PLB1: variants seen among roughly 807,000 people sequenced by gnomAD.
PLB1 encodes phospholipase B1, membrane-associated.
In PLB1, 242 loss-of-function variants were observed where a neutral mutation model predicts 227.4. That is an observed-to-expected ratio of 1.06 (90% CI 0.96 to 1.18). The LOEUF is 1.18. PLB1 is among the 50% of genes most tolerant of loss of function. PLB1 has a pLI of 0.00. For synonymous variants in PLB1, 757 were observed against 682.2 expected (o/e 1.11, Z -1.71); for missense variants, 1,858 against 1,816.3 (o/e 1.02, Z -0.42).
intron 16 of PLB1, among the ~76,000 whole-genome samples, chr2:28,552,063 G>A (rs541635846): frequency 1.3e-5 from 2 of 152,198 alleles, no homozygotes; most frequent in Non-Finnish European, 2.9e-5. Context: ...ACTCAGTCTG[G>A]TAGAGAAATA....
intron 14 of PLB1, 132 bp from the exon 15 acceptor site, chr2:28,548,726 TGG>T (rs1198971060): frequency 2.0e-5 from 16 of 798,834 alleles, no homozygotes; most frequent in Non-Finnish European, 3.0e-5. Context: ...AGTTTGGGGA[TGG>T]GGGCTGGACA....
At chr2:28,554,906 G>C (rs1413327082) in intron 17 of PLB1, among the ~76,000 whole-genome samples, 1 of 152,026 alleles carries the variant, frequency 6.6e-6, no homozygotes, top group Non-Finnish European at 1.5e-5. Context: ...CTTAAAATCT[G>C]AGATCCTCTG....
At chr2:28,543,187 C>T (rs1301078698) in intron 13 of PLB1, 25 bp from the exon 14 acceptor site, 6 of 1,596,080 alleles carry the variant, frequency 3.8e-6, no homozygotes, top group Middle Eastern at 1.7e-4. Flanking sequence ...ACAAAAGGTC[C>T]CGCTGTCAAC....
At chr2:28,627,550 A>G (rs1687974555) in intron 51 of PLB1, among the ~76,000 whole-genome samples, 1 of 152,206 alleles carries the variant, frequency 6.6e-6, no homozygotes, top group African/African-American at 2.4e-5. Context: ...AAACTCTGGG[A>G]GACACGAGGT....
intron 50 of PLB1, among the ~76,000 whole-genome samples, chr2:28,625,458 C>T (rs1028817206): frequency 1.3e-5 from 2 of 152,192 alleles, no homozygotes; most frequent in South Asian, 2.1e-4. Flanking sequence ...TCATTCCAAT[C>T]CAGTTCTGCC....
chr2:28,537,546 C>T (rs1206164464), intron 9 of PLB1, among the ~76,000 whole-genome samples: 1 of 151,072 alleles, frequency 6.6e-6, no homozygotes, highest in Non-Finnish European at 1.5e-5. Context: ...CAAAAATTAG[C>T]TGGGCATGGT....
At position 28,620,794 on chromosome 2, in the gene PLB1, C is replaced by G; in HGVS notation, c.3428-85C>G. ...CAGAACTCCTGTGTCCCACCCATGT[C>G]CCCACCCTGCATGCTCATCTCAGTT... On this transcript the variant is annotated intron_variant, in intron 48 of 57. Coordinates refer to ENST00000327757, the MANE Select transcript of PLB1 (RefSeq NM_153021.5). 2.1e-6 allele frequency: 3 copies of G among 1,432,574 alleles called. No individual in the cohort carries two copies. The South Asian group carries it at 3.4e-5, about 16-fold the overall frequency. The allele number at this position is 1,432,574 out of a possible 1,614,324, so 88.7% of individuals were successfully genotyped here.
intron 3 of PLB1, among the ~76,000 whole-genome samples, chr2:28,519,462 T>G (rs778482827): frequency 7.2e-5 from 11 of 152,224 alleles, no homozygotes; most frequent in Non-Finnish European, 1.3e-4. Flanking sequence ...GTCACCTGTT[T>G]GGACAGCTCA....
At chr2:28,633,446 G>T in intron 56 of PLB1, 1 of 186,706 alleles carries the variant, frequency 5.4e-6, no homozygotes, top group Non-Finnish European at 1.1e-5. Context: ...ACAACGCATT[G>T]AGATCATGTG....
rs1684422832 is a variant in PLB1, at chr2:28,604,762, A to G, written c.2961+3A>G. 2 of 1,613,456 alleles carry G rather than the reference A, an allele frequency of 1.2e-6. No individual in the cohort carries two copies. Among genetic ancestry groups the G allele is most frequent in the Non-Finnish European group, 8.5e-7 (1 of 1,179,458 alleles). On this transcript the variant is annotated splice_donor_region_variant and intron_variant, in intron 41 of 57. Coordinates refer to ENST00000327757, the MANE Select transcript of PLB1 (RefSeq NM_153021.5). ...ACATCCAGCTCCCTGTCCTGGCGGT[A>G]TGTCCCCTGCCCTCACCCATGGTAC...
intron 43 of PLB1, 56 bp downstream of exon 43, chr2:28,606,623 C>T: frequency 6.6e-7 from 1 of 1,519,498 alleles, no homozygotes; most frequent in Non-Finnish European, 9.1e-7. Flanking sequence ...CACAGCTCGC[C>T]CTACCCACTT....
intron 9 of PLB1, among the ~76,000 whole-genome samples, chr2:28,534,900 A>T (rs751260539): frequency 1.3e-5 from 2 of 152,088 alleles, no homozygotes; most frequent in Non-Finnish European, 2.9e-5. Context: ...TCTCAAGAAA[A>T]GCGCCTGGAG....
intron 4 of PLB1, 32 bp from the exon 5 acceptor site, chr2:28,525,235 G>T: frequency 4.3e-6 from 7 of 1,609,544 alleles, no homozygotes; most frequent in Non-Finnish European, 5.9e-6. Context: ...CACCTCCCCT[G>T]GCTGGGTGTT....
intron 29 of PLB1, among the ~76,000 whole-genome samples, chr2:28,590,522 G>T (rs567982060): frequency 6.6e-6 from 1 of 152,244 alleles, no homozygotes; most frequent in Non-Finnish European, 1.5e-5. Context: ...GGAGTAAATT[G>T]GAAGCTGGAG....
At position 28,553,010 on chromosome 2, in the gene PLB1, G is replaced by C; in HGVS notation, c.1147+19G>C. 6.2e-7 allele frequency: 1 copy of C among 1,608,170 alleles called. No homozygotes were observed. The highest frequency in any genetic ancestry group is 1.1e-5 in the South Asian group (1 of 90,962). ...ACCTCAGGTACACAGCTTGCACCCA[G>C]TGATTTTAAAATTCATTCGAGGCCT... On this transcript the variant is annotated intron_variant, in intron 17 of 57. Transcript: ENST00000327757.
At position 28,592,476 on chromosome 2, in the gene PLB1, T is replaced by G. The variant is rs1382546247; in HGVS notation, c.2189-185T>G. On this transcript the variant is annotated intron_variant, in intron 31 of 57. Coordinates refer to ENST00000327757, the MANE Select transcript of PLB1 (RefSeq NM_153021.5). Reference sequence around the variant, plus strand: ...CTCTCTTTCCCTGTAGGTCCAGGATTAGTTGTGTCTTACGGGAAAACTGTC... The same window carrying G: ...CTCTCTTTCCCTGTAGGTCCAGGATGAGTTGTGTCTTACGGGAAAACTGTC... Among the ~76,000 whole-genome samples, 3 of 152,284 alleles carry G rather than the reference T, an allele frequency of 2.0e-5. No individual in the cohort carries two copies. In the East Asian group the frequency reaches 5.8e-4, roughly 29 times the overall value.
intron 47 of PLB1, 125 bp from the exon 48 acceptor site, chr2:28,620,475 C>T (rs1686877235): frequency 2.9e-6 from 4 of 1,381,816 alleles, no homozygotes; most frequent in Non-Finnish European, 4.0e-6. Flanking sequence ...TTGCATTACC[C>T]CTGAGGGTGA....
chr2:28,549,879 G>C (rs1333574441), intron 15 of PLB1, 131 bp from the exon 16 acceptor site: 4 of 658,150 alleles, frequency 6.1e-6, no homozygotes, highest in Admixed American at 2.7e-5. Flanking sequence ...CCAGAGAATG[G>C]TTTGGTCCTC....
intron 53 of PLB1, 108 bp downstream of exon 53, chr2:28,629,293 G>A: frequency 2.2e-6 from 2 of 907,716 alleles, no homozygotes; most frequent in Non-Finnish European, 3.3e-6. Flanking sequence ...GCCTGCCAGA[G>A]GGTAGACATG....
Sources: gnomAD v4.1 joint callset for allele counts (sites outside exome capture counted in the v4.1 genomes callset) on GRCh38, gnomAD v4.1.1 for gene constraint, MANE v1.5 for transcripts, NCBI Gene and HGNC (gene_info 2026-07-23, HGNC 2026-07-21) for gene names.